CNTNAP2: variants seen among roughly 807,000 people sequenced by gnomAD.
The protein encoded by CNTNAP2 is contactin-associated protein-like 2.
A neutral mutation model predicts 155.2 loss-of-function variants in CNTNAP2; 98 were observed. The ratio of observed to expected loss-of-function variants is 0.63; its 90% CI spans 0.54 to 0.75. The LOEUF is 0.75. Among genes scored for constraint, CNTNAP2 ranks in the 30% least tolerant of loss-of-function variants. The pLI is 0.00. For missense variants in CNTNAP2, 1,727 were observed against 1,688.1 expected (o/e 1.02, Z -0.40); for synonymous variants, 651 against 631.2 (o/e 1.03, Z -0.47).
intron 1 of CNTNAP2, among the ~76,000 whole-genome samples, chr7:146,719,620 G>T (rs1338287254): frequency 1.3e-5 from 2 of 151,772 alleles, no homozygotes; most frequent in Non-Finnish European, 2.9e-5. Flanking sequence ...ACTGAATTTT[G>T]CTATCTTTAC....
At chr7:146,605,976 G>A (rs1046204607) in intron 1 of CNTNAP2, among the ~76,000 whole-genome samples, 1 of 152,066 alleles carries the variant, frequency 6.6e-6, no homozygotes, top group Non-Finnish European at 1.5e-5. Flanking sequence ...AATCTATAAG[G>A]CAGGAATATC....
chr7:146,123,582 T>C (rs184620328), intron 1 of CNTNAP2, among the ~76,000 whole-genome samples: 2 of 152,312 alleles, frequency 1.3e-5, no homozygotes, highest in East Asian at 1.9e-4. Flanking sequence ...ATGCATTAGA[T>C]GTCATATTGA....
At chr7:147,591,390 G>A (rs1800731481) in intron 12 of CNTNAP2, among the ~76,000 whole-genome samples, 1 of 152,116 alleles carries the variant, frequency 6.6e-6, no homozygotes, top group Admixed American at 6.6e-5. Flanking sequence ...GAAGACATCA[G>A]TTGGATTAGA....
chr7:146,142,076 C>T (rs1052627606), intron 1 of CNTNAP2, among the ~76,000 whole-genome samples: 1 of 152,136 alleles, frequency 6.6e-6, no homozygotes, highest in Admixed American at 6.6e-5. Context: ...CACATCTCAC[C>T]ATATTGCAAT....
chr7:146,298,664 G>T (rs150508299), intron 1 of CNTNAP2, among the ~76,000 whole-genome samples: 72 of 152,272 alleles, frequency 4.7e-4, no homozygotes, highest in African/African-American at 1.7e-3. Context: ...GCCTCTGAAC[G>T]TTCGATCCAC....
Position 146,515,713 on chromosome 7 carries a change from T to G in CNTNAP2, c.98-258558T>G, listed in dbSNP as rs111349172. On this transcript the variant is annotated intron_variant, in intron 1 of 23. Coordinates refer to ENST00000361727, the MANE Select transcript of CNTNAP2 (RefSeq NM_014141.6). ...CAATAACTAAATACCTTGACCCCAA[T>G]GGGAATTTGTAGTTCTTATTGTCAG... Among the ~76,000 whole-genome samples, 1,009 of 152,104 alleles carry G rather than the reference T, an allele frequency of 6.6e-3. 9 individuals are homozygous for G. Among genetic ancestry groups the G allele is most frequent in the African/African-American group, 0.023 (945 of 41,530 alleles).
At chr7:146,846,991 T>G (rs1489617350) in intron 3 of CNTNAP2, among the ~76,000 whole-genome samples, 1 of 152,118 alleles carries the variant, frequency 6.6e-6, no homozygotes, top group Non-Finnish European at 1.5e-5. Context: ...TATTTTACAT[T>G]GAACTCAATG....
chr7:147,023,486 A>T (rs540144185), intron 3 of CNTNAP2, among the ~76,000 whole-genome samples: 1 of 152,286 alleles, frequency 6.6e-6, no homozygotes, highest in East Asian at 1.9e-4. Flanking sequence ...TAGAGTCACC[A>T]CCAGTATATT....
chr7:148,112,179 G>A (rs77438128), intron 15 of CNTNAP2, among the ~76,000 whole-genome samples: 2,173 of 152,186 alleles, frequency 0.014, 33 homozygotes, highest in South Asian at 0.05. Context: ...TAGAGAATCT[G>A]GAGAGAATTC....
chr7:147,416,403 T>C (rs958750429), intron 10 of CNTNAP2, among the ~76,000 whole-genome samples: 2 of 152,166 alleles, frequency 1.3e-5, no homozygotes, highest in East Asian at 3.9e-4. Context: ...CAACTCCACA[T>C]TGAGCCAATA....
intron 21 of CNTNAP2, among the ~76,000 whole-genome samples, chr7:148,267,886 C>G (rs1180274715): frequency 6.6e-6 from 1 of 152,138 alleles, no homozygotes; most frequent in African/African-American, 2.4e-5. Context: ...AGCATATCAA[C>G]ATGATTCTAT....
At position 147,044,321 on chromosome 7, in the gene CNTNAP2, G is replaced by GT. The variant is rs200200006; in HGVS notation, c.550+275dup. 1.5e-3 allele frequency among the ~76,000 whole-genome samples: 229 copies of GT among 151,752 alleles called. 3 individuals are homozygous for GT. The Middle Eastern group carries it at 0.02, about 14-fold the overall frequency. On this transcript the variant is annotated intron_variant, in intron 4 of 23. Coordinates refer to ENST00000361727, the MANE Select transcript of CNTNAP2 (RefSeq NM_014141.6). Reference sequence around the variant, plus strand: ...TACTTTAGGTTGAAGATTTGGAAAGGTTTTTTTTGTTCAATAGACTAAATA... The same window carrying GT: ...TACTTTAGGTTGAAGATTTGGAAAGGTTTTTTTTTGTTCAATAGACTAAATA...
At chr7:146,680,742 TAAC>T (rs1280027595) in intron 1 of CNTNAP2, among the ~76,000 whole-genome samples, 2 of 152,148 alleles carry the variant, frequency 1.3e-5, no homozygotes, top group East Asian at 1.9e-4. Context: ...CAGATGATAA[TAAC>T]GAAGCATGTG....
At chr7:147,267,389 G>A (rs763697823) in intron 8 of CNTNAP2, among the ~76,000 whole-genome samples, 4 of 152,160 alleles carry the variant, frequency 2.6e-5, no homozygotes, top group African/African-American at 4.8e-5. Context: ...GATACTCAAC[G>A]ATTGAGGAGT....
At chr7:148,008,297 G>A (rs1410654022) in intron 15 of CNTNAP2, among the ~76,000 whole-genome samples, 1 of 152,114 alleles carries the variant, frequency 6.6e-6, no homozygotes, top group Non-Finnish European at 1.5e-5. Flanking sequence ...GCTTGAACCT[G>A]GGAGGCAGAG....
intron 1 of CNTNAP2, among the ~76,000 whole-genome samples, chr7:146,541,177 C>G (rs1797947826): frequency 1.3e-5 from 2 of 151,978 alleles, no homozygotes; most frequent in South Asian, 4.1e-4. Flanking sequence ...AATTTATTCT[C>G]TCAGGAGAGT....
At chr7:146,170,216 G>T (rs1349996342) in intron 1 of CNTNAP2, among the ~76,000 whole-genome samples, 1 of 151,908 alleles carries the variant, frequency 6.6e-6, no homozygotes, top group African/African-American at 2.4e-5. Context: ...TAGTAGAATG[G>T]GGTTTCACCG....
At chr7:148,001,940 G>A (rs541553748) in intron 15 of CNTNAP2, among the ~76,000 whole-genome samples, 2 of 152,010 alleles carry the variant, frequency 1.3e-5, no homozygotes, top group East Asian at 3.9e-4. Flanking sequence ...ATATTTTATG[G>A]TTTTCCAAAT....
chr7:147,651,967 G>A (rs145923002), intron 13 of CNTNAP2, among the ~76,000 whole-genome samples: 4,080 of 152,214 alleles, frequency 0.027, 239 homozygotes, highest in Admixed American at 0.14. Flanking sequence ...CTAACTTACA[G>A]TTGAATCAAG....
Sources: allele counts gnomAD v4.1 joint callset (sites outside exome capture counted in the v4.1 genomes callset), GRCh38; gene constraint gnomAD v4.1.1; transcripts MANE v1.5; gene names NCBI Gene and HGNC (gene_info 2026-07-23, HGNC 2026-07-21).